The following CELF2 variants were observed in gnomAD, a reference collection of about 807,000 sequenced individuals.
CELF2 encodes the protein CUG triplet repeat RNA-binding protein 2.
A neutral mutation model predicts 62.6 loss-of-function variants in CELF2; 8 were observed. The observed-to-expected ratio is 0.13, with a 90% confidence interval of 0.07 to 0.23. CELF2 has a LOEUF of 0.23. Ranked by LOEUF, CELF2 falls within the 10% of genes least tolerant of loss-of-function variation. CELF2 has a pLI of 1.00. For synonymous variants in CELF2, 258 were observed against 250.0 expected (o/e 1.03, Z -0.30); for missense variants, 333 against 671.0 (o/e 0.50, Z 5.56).
rs972003403 is a variant in CELF2, at chr10:11,296,801, C to A, written c.976+8249C>A. Among the ~76,000 whole-genome samples, 7 of 152,150 alleles carry A rather than the reference C, an allele frequency of 4.6e-5. No homozygotes were observed. The highest frequency in any genetic ancestry group is 7.3e-5 in the Non-Finnish European group (5 of 68,036). On this transcript the variant is annotated intron_variant, in intron 9 of 12. Coordinates refer to ENST00000633077, the MANE Select transcript of CELF2 (RefSeq NM_001326342.2). This position sits in a 1 kb window ranked among gnomAD's most constrained non-coding sequence, Gnocchi z 5.0. ...AGGGAAATTTTAGTAGAAGAGTTGA[C>A]ATTTGAGCCAAAATGTTCAGGGTGG... is the stretch of plus-strand genomic sequence containing the variant.
intron 1 of CELF2, among the ~76,000 whole-genome samples, chr10:10,866,108 C>T (rs1471535084): frequency 6.6e-6 from 1 of 152,134 alleles, no homozygotes; most frequent in Non-Finnish European, 1.5e-5. Context: ...TCCTCTTTCC[C>T]ACAAGCTCAC....
intron 5 of CELF2, among the ~76,000 whole-genome samples, chr10:11,261,165 C>T (rs1415365173): frequency 6.6e-6 from 1 of 152,192 alleles, no homozygotes; most frequent in African/African-American, 2.4e-5. Flanking sequence ...GTTCACTTTT[C>T]TTTTTCTGCT....
chr10:10,932,417 A>C (rs2066170890), intron 2 of CELF2, among the ~76,000 whole-genome samples: 1 of 152,234 alleles, frequency 6.6e-6, no homozygotes, highest in South Asian at 2.1e-4. Flanking sequence ...ATCACAAAAA[A>C]AGATCAATAT....
At chr10:10,556,301 T>C in the CELF2 span, among the ~76,000 whole-genome samples, 1 of 151,926 alleles carries the variant, frequency 6.6e-6, no homozygotes, top group Non-Finnish European at 1.5e-5. Context: ...TTTGTTCTTG[T>C]GATAGTTTAC....
At chr10:10,579,232 C>T in the CELF2 span, among the ~76,000 whole-genome samples, 1 of 152,108 alleles carries the variant, frequency 6.6e-6, no homozygotes, top group Non-Finnish European at 1.5e-5. Context: ...CAATGAACTG[C>T]TTCAGGGGAG....
At chr10:11,308,900 T>C (rs1183099593) in intron 9 of CELF2, among the ~76,000 whole-genome samples, 1 of 152,264 alleles carries the variant, frequency 6.6e-6, no homozygotes, top group East Asian at 1.9e-4. Flanking sequence ...TTGCATGTAC[T>C]GTGTTGATTT....
chr10:10,491,540 G>C, the CELF2 span, among the ~76,000 whole-genome samples: 1 of 152,058 alleles, frequency 6.6e-6, no homozygotes, highest in African/African-American at 2.4e-5. Context: ...CTAATCTTAG[G>C]GTTTTCTCAG....
Position 11,197,058 on chromosome 10 carries a change from A to AAAGAAAG in CELF2, c.272-20365_272-20364insGAAAGAA, listed in dbSNP as rs1250421470. Among the ~76,000 whole-genome samples, 25 of 71,950 alleles carry AAAGAAAG rather than the reference A, an allele frequency of 3.5e-4. 1 individual carries two copies. The highest frequency in any genetic ancestry group is 1.4e-3 in the African/African-American group (24 of 17,320). 47.2% of individuals were successfully genotyped at this position (71,950 alleles called of 152,430 possible). On this transcript the variant is annotated intron_variant, in intron 2 of 12. Coordinates refer to ENST00000633077, the MANE Select transcript of CELF2 (RefSeq NM_001326342.2). ...GAAAGAAAGAAAGAAAGAAAGAAAGAAAAGAAAGAAAGGAAAGAAAGAAAG... is the reference window on the plus strand; with the variant it reads ...GAAAGAAAGAAAGAAAGAAAGAAAGAAAGAAAGAAAGAAAGAAAGGAAAGAAAGAAAG...
the CELF2 span, among the ~76,000 whole-genome samples, chr10:10,513,142 G>A: frequency 6.6e-6 from 1 of 152,116 alleles, no homozygotes; most frequent in East Asian, 1.9e-4. Flanking sequence ...CATTAATAAT[G>A]GACCAACTTC....
At chr10:10,552,246 G>C in the CELF2 span, among the ~76,000 whole-genome samples, 10 of 152,192 alleles carry the variant, frequency 6.6e-5, no homozygotes, top group Non-Finnish European at 1.5e-4. Context: ...TAGGCTTAGA[G>C]GAGAGAAATT....
At chr10:10,835,356 G>A (rs2058195122) in intron 1 of CELF2, among the ~76,000 whole-genome samples, 1 of 151,062 alleles carries the variant, frequency 6.6e-6, no homozygotes, top group Admixed American at 6.6e-5. Flanking sequence ...CTTCCCAGTA[G>A]CTGGGATTAC....
intron 7 of CELF2, among the ~76,000 whole-genome samples, chr10:11,272,673 C>T (rs974547041): frequency 3.3e-5 from 5 of 152,224 alleles, no homozygotes; most frequent in Non-Finnish European, 5.9e-5. Flanking sequence ...CTACGTTTCC[C>T]TCTGCCATGG....
At chr10:10,846,341 C>G (rs1369718711) in intron 1 of CELF2, among the ~76,000 whole-genome samples, 1 of 152,102 alleles carries the variant, frequency 6.6e-6, no homozygotes, top group African/African-American at 2.4e-5. Context: ...CCTCACTGCC[C>G]AGAATCTTTC....
At chr10:10,785,577 A>G in the CELF2 span, among the ~76,000 whole-genome samples, 4 of 152,236 alleles carry the variant, frequency 2.6e-5, no homozygotes, top group Non-Finnish European at 2.9e-5. Flanking sequence ...TTGTGACAAC[A>G]TGGATGAACC....
At chr10:11,248,900 C>G (rs1324986987) in intron 3 of CELF2, among the ~76,000 whole-genome samples, 4 of 152,216 alleles carry the variant, frequency 2.6e-5, no homozygotes, top group Non-Finnish European at 5.9e-5. Flanking sequence ...AACCAGGTTT[C>G]ACACTGAAGT....
At chr10:10,497,439 A>C in the CELF2 span, among the ~76,000 whole-genome samples, 2 of 152,202 alleles carry the variant, frequency 1.3e-5, no homozygotes, top group Non-Finnish European at 2.9e-5. Flanking sequence ...CAAAAAAGAC[A>C]TGATTATCTG....
intron 1 of CELF2, among the ~76,000 whole-genome samples, chr10:11,024,188 A>C (rs2058762870): frequency 6.6e-6 from 1 of 152,250 alleles, no homozygotes; most frequent in South Asian, 2.1e-4. Context: ...TCATTTAAAC[A>C]ATCTGTGCGT....
chr10:11,134,955 T>TCTAG (rs931521618), intron 1 of CELF2, among the ~76,000 whole-genome samples: 19 of 152,246 alleles, frequency 1.2e-4, no homozygotes, highest in Admixed American at 4.6e-4. Flanking sequence ...CCTTGCAGTG[T>TCTAG]CTAGCATCAA....
rs1013669565 is a variant in CELF2, at chr10:11,311,716, C to T, written c.977-2423C>T. On this transcript the variant is annotated intron_variant, in intron 9 of 12. Transcript: ENST00000633077. This position sits in a 1 kb window ranked among gnomAD's most constrained non-coding sequence, Gnocchi z 4.7. ...GAGATGTAAGTTTAGCGGAACATTA[C>T]ATACAATTGAAAGAGAATGTGGTGA... 1.6e-4 allele frequency among the ~76,000 whole-genome samples: 25 copies of T among 152,022 alleles called. No individual in the cohort carries two copies. The highest frequency in any genetic ancestry group is 6.0e-4 in the African/African-American group (25 of 41,442).
Sources: gnomAD v4.1 joint callset for allele counts (sites outside exome capture counted in the v4.1 genomes callset) on GRCh38, gnomAD v4.1.1 for gene constraint, Gnocchi (gnomAD v3.1) non-coding constraint, MANE v1.5 for transcripts, NCBI Gene and HGNC (gene_info 2026-07-23, HGNC 2026-07-21) for gene names.